MAF: variants seen among roughly 807,000 people sequenced by gnomAD.
The protein encoded by MAF is MAF bZIP transcription factor, also known as transcription factor Maf.
In MAF, 10 loss-of-function variants were observed where a neutral mutation model predicts 22.0. The ratio of observed to expected loss-of-function variants is 0.45; its 90% confidence interval spans 0.28 to 0.77. The LOEUF (loss-of-function observed/expected upper bound fraction) is 0.77, where lower values mean the gene tolerates loss of function less well. Among genes scored for constraint, MAF ranks in the 30% least tolerant of loss-of-function variants. MAF has a pLI of 0.12. For synonymous variants in MAF, 337 were observed against 255.8 expected, an observed-to-expected ratio of 1.32 and a Z score of -3.03; for missense variants, 544 against 548.4, an observed-to-expected ratio of 0.99 and a Z score of 0.08.
chr16:79,472,388 A>G, the MAF span, among the ~76,000 whole-genome samples: 1 of 152,238 alleles, frequency 6.6e-6, no homozygotes, highest in East Asian at 1.9e-4. Context: ...ATCAACTACT[A>G]AAGGGATACC....
At chr16:79,541,683 G>C in the MAF span, among the ~76,000 whole-genome samples, 1 of 39,534 alleles carries the variant, frequency 2.5e-5, no homozygotes, top group Non-Finnish European at 4.9e-5. Flanking sequence ...TTTTTTTTTT[G>C]AGATGGTGTT....
intron 1 of MAF, 68 bp downstream of exon 1, chr16:79,598,717 C>G: frequency 6.2e-7 from 1 of 1,604,886 alleles, no homozygotes; most frequent in Non-Finnish European, 8.5e-7. Context: ...CTAGCAAGCC[C>G]ACACCCGAGC....
the MAF span, among the ~76,000 whole-genome samples, chr16:79,432,743 C>CA: frequency 6.6e-6 from 1 of 151,276 alleles, no homozygotes; most frequent in African/African-American, 2.4e-5. Flanking sequence ...TTTGGACATA[C>CA]ACACACACAC....
the MAF span, among the ~76,000 whole-genome samples, chr16:79,370,512 C>G: frequency 6.6e-6 from 1 of 152,176 alleles, no homozygotes; most frequent in Admixed American, 6.5e-5. Flanking sequence ...CACATCTGTT[C>G]TCTCTAAAGA....
At chr16:79,383,407 T>C in the MAF span, among the ~76,000 whole-genome samples, 5 of 152,086 alleles carry the variant, frequency 3.3e-5, no homozygotes, top group Admixed American at 3.3e-4. Context: ...AATGTCTTGG[T>C]TTAAAAAAAA....
At chr16:79,485,334 C>T in the MAF span, among the ~76,000 whole-genome samples, 3 of 152,312 alleles carry the variant, frequency 2.0e-5, no homozygotes, top group East Asian at 1.9e-4. Context: ...CATACGACAG[C>T]GATTGGCACA....
At chr16:79,279,870 C>G in the MAF span, among the ~76,000 whole-genome samples, 1 of 152,072 alleles carries the variant, frequency 6.6e-6, no homozygotes, top group Non-Finnish European at 1.5e-5. Context: ...TGGGGAAAGT[C>G]CAGCCTATTC....
chr16:79,255,577 A>G, the MAF span, among the ~76,000 whole-genome samples: 1 of 152,226 alleles, frequency 6.6e-6, no homozygotes, highest in South Asian at 2.1e-4. Context: ...GCTCATCTTG[A>G]GGGCTTGTTG....
At chr16:79,375,394 A>G in the MAF span, among the ~76,000 whole-genome samples, 2 of 152,326 alleles carry the variant, frequency 1.3e-5, no homozygotes, top group East Asian at 3.9e-4. Flanking sequence ...GTTCACACAC[A>G]GACCTCACTT....
At chr16:79,260,397 C>T in the MAF span, among the ~76,000 whole-genome samples, 1 of 152,194 alleles carries the variant, frequency 6.6e-6, no homozygotes, top group Non-Finnish European at 1.5e-5. Flanking sequence ...AGTGATTCTC[C>T]TGCCTTGGCC....
chr16:79,278,914 G>A, the MAF span, among the ~76,000 whole-genome samples: 3 of 152,142 alleles, frequency 2.0e-5, no homozygotes, highest in African/African-American at 7.2e-5. Flanking sequence ...CCAGGTTCCT[G>A]GGGAATGGGG....
At chr16:79,403,266 T>C in the MAF span, among the ~76,000 whole-genome samples, 1 of 152,270 alleles carries the variant, frequency 6.6e-6, no homozygotes, top group South Asian at 2.1e-4. Flanking sequence ...CAGCTCCCGA[T>C]TTTCTGTAGC....
At chr16:79,580,254 G>T in the MAF span, among the ~76,000 whole-genome samples, 1 of 152,116 alleles carries the variant, frequency 6.6e-6, no homozygotes, top group Non-Finnish European at 1.5e-5. Context: ...TGTAGCACAG[G>T]TCATGTGCTA....
downstream of MAF, among the ~76,000 whole-genome samples, chr16:79,590,241 T>C (rs1451914167): frequency 6.6e-6 from 1 of 150,710 alleles, no homozygotes; most frequent in Admixed American, 6.6e-5. Flanking sequence ...GGAGGGAGGG[T>C]TGTTCTTAGA....
At chr16:79,211,594 T>TTCTC in the MAF span, 3 of 1,614,068 alleles carry the variant, frequency 1.9e-6, no homozygotes, top group South Asian at 1.1e-5. Context: ...TTGTCTTTCT[T>TTCTC]CTTGGATTTC....
chr16:79,241,558 T>C, the MAF span, among the ~76,000 whole-genome samples: 1 of 152,070 alleles, frequency 6.6e-6, no homozygotes, highest in Non-Finnish European at 1.5e-5. Context: ...AGACCAAATC[T>C]ACATTTGATT....
At chr16:79,243,042 T>G in the MAF span, among the ~76,000 whole-genome samples, 2 of 151,968 alleles carry the variant, frequency 1.3e-5, no homozygotes, top group Non-Finnish European at 2.9e-5. Flanking sequence ...CTGGGACACA[T>G]GTAAAGCAGT....
chr16:79,498,056 G>C, the MAF span, among the ~76,000 whole-genome samples: 1 of 152,314 alleles, frequency 6.6e-6, no homozygotes, highest in East Asian at 1.9e-4. Flanking sequence ...TCCTGCCCTT[G>C]CACCCAGATG....
the MAF span, among the ~76,000 whole-genome samples, chr16:79,506,170 T>C: frequency 9.9e-5 from 15 of 152,172 alleles, no homozygotes; most frequent in Non-Finnish European, 1.9e-4. Context: ...AGTCTAAAAA[T>C]GTAAAATCAA....
Sources: gnomAD v4.1 joint callset for allele counts (sites outside exome capture counted in the v4.1 genomes callset) on GRCh38, gnomAD v4.1.1 for gene constraint, MANE v1.5 for transcripts, NCBI Gene and HGNC (gene_info 2026-07-23, HGNC 2026-07-21) for gene names.